The following RBFOX1 variants were observed in gnomAD, a reference collection of about 807,000 sequenced individuals.
RBFOX1 encodes RNA binding protein fox-1 homolog 1.
In RBFOX1, 8 loss-of-function variants were observed where a neutral mutation model predicts 57.7. That is an observed-to-expected ratio of 0.14 (90% confidence interval 0.08 to 0.25). The LOEUF (loss-of-function observed/expected upper bound fraction) is 0.25. RBFOX1 is among the 10% of genes least tolerant of loss of function. The pLI, the probability that RBFOX1 is intolerant of heterozygous loss-of-function variation, is 1.00. For missense variants in RBFOX1, 611 were observed against 548.5 expected, an observed-to-expected ratio of 1.11 and a Z score of -1.14; for synonymous variants, 326 against 222.4, an observed-to-expected ratio of 1.47 and a Z score of -4.15.
chr16:7,463,946 C>G (rs1028828426), intron 4 of RBFOX1, among the ~76,000 whole-genome samples: 1 of 152,124 alleles, frequency 6.6e-6, no homozygotes, highest in Non-Finnish European at 1.5e-5. Flanking sequence ...AAAGCCAAGA[C>G]ATTGAATGCT....
intron 3 of RBFOX1, among the ~76,000 whole-genome samples, chr16:6,961,504 G>C (rs1244803023): frequency 1.3e-5 from 2 of 152,244 alleles, no homozygotes; most frequent in Non-Finnish European, 2.9e-5. Context: ...GCAGAAGAAA[G>C]AATCAGAGCG....
At chr16:5,383,528 A>T in intron 1 of RBFOX1, among the ~76,000 whole-genome samples, 1 of 152,256 alleles carries the variant, frequency 6.6e-6, no homozygotes, top group East Asian at 1.9e-4. Context: ...GACATAGAAT[A>T]TTCAGAGGAA....
intron 9 of RBFOX1, among the ~76,000 whole-genome samples, chr16:7,599,450 C>G (rs1321354270): frequency 9.7e-6 from 1 of 102,814 alleles, no homozygotes; most frequent in African/African-American, 2.5e-5. Context: ...AAAACTAGAC[C>G]TGTAGGATTT....
At chr16:7,661,173 G>A (rs1568336379) in intron 12 of RBFOX1, among the ~76,000 whole-genome samples, 1 of 152,180 alleles carries the variant, frequency 6.6e-6, no homozygotes, top group Non-Finnish European at 1.5e-5. Context: ...TGCCGGTGAG[G>A]ATGGCTACAT....
intron 2 of RBFOX1, among the ~76,000 whole-genome samples, chr16:6,587,499 C>G (rs1331125178): frequency 1.3e-5 from 2 of 152,100 alleles, no homozygotes; most frequent in Admixed American, 6.5e-5. Flanking sequence ...CCAGGGTGGT[C>G]TTGAACTCCT....
chr16:5,844,718 T>G (rs951473242), intron 3 of RBFOX1, among the ~76,000 whole-genome samples: 1 of 152,242 alleles, frequency 6.6e-6, no homozygotes, highest in Non-Finnish European at 1.5e-5. Context: ...TTAGTCATTA[T>G]TAAACATTTT....
chr16:6,923,000 T>C (rs1027008335), intron 3 of RBFOX1, among the ~76,000 whole-genome samples: 1 of 152,204 alleles, frequency 6.6e-6, no homozygotes, highest in African/African-American at 2.4e-5. Context: ...AAACTACTTA[T>C]AAATCTATAG....
chr16:6,926,406 C>G (rs962226035), intron 3 of RBFOX1, among the ~76,000 whole-genome samples: 2 of 152,318 alleles, frequency 1.3e-5, no homozygotes, highest in South Asian at 4.1e-4. Context: ...CTGGGATCCT[C>G]ACCACACAGC....
chr16:6,804,516 A>C (rs1199980063), intron 3 of RBFOX1, among the ~76,000 whole-genome samples: 2 of 152,190 alleles, frequency 1.3e-5, no homozygotes. Context: ...AATAATCTTC[A>C]TCCTACAAAT....
chr16:5,776,881 A>T (rs1290122669), intron 3 of RBFOX1, among the ~76,000 whole-genome samples: 1 of 152,242 alleles, frequency 6.6e-6, no homozygotes, highest in Non-Finnish European at 1.5e-5. Flanking sequence ...CACGGTGGCC[A>T]TTTGCCATGG....
chr16:7,440,893 G>C (rs781252616), intron 4 of RBFOX1, among the ~76,000 whole-genome samples: 56 of 152,232 alleles, frequency 3.7e-4, no homozygotes, highest in Non-Finnish European at 7.2e-4. Context: ...AGCTCAATTA[G>C]CCTGGCATGG....
chr16:7,194,043 G>A (rs763785703), intron 4 of RBFOX1, among the ~76,000 whole-genome samples: 44 of 151,936 alleles, frequency 2.9e-4, no homozygotes, highest in Non-Finnish European at 6.0e-4. Flanking sequence ...TATACATGAT[G>A]CTATTAAATA....
At chr16:6,059,866 G>A (rs1269445782) in intron 1 of RBFOX1, among the ~76,000 whole-genome samples, 4 of 152,104 alleles carry the variant, frequency 2.6e-5, no homozygotes, top group African/African-American at 9.7e-5. Context: ...AATGTATCCT[G>A]AGACCCATAA....
At chr16:7,235,479 G>A (rs1424343847) in intron 4 of RBFOX1, among the ~76,000 whole-genome samples, 2 of 152,180 alleles carry the variant, frequency 1.3e-5, no homozygotes, top group Non-Finnish European at 2.9e-5. Flanking sequence ...TGTAAACATC[G>A]TAAACAAGGA....
intron 4 of RBFOX1, among the ~76,000 whole-genome samples, chr16:7,294,283 C>G (rs1482315590): frequency 6.6e-6 from 1 of 152,092 alleles, no homozygotes; most frequent in Admixed American, 6.6e-5. Flanking sequence ...GAAACAGACT[C>G]CCACCCTCTC....
chr16:7,093,204 T>C (rs1262820476), intron 4 of RBFOX1, among the ~76,000 whole-genome samples: 1 of 152,234 alleles, frequency 6.6e-6, no homozygotes, highest in Admixed American at 6.5e-5. Context: ...GGTCACCGTG[T>C]ATCTCAGTTA....
intron 3 of RBFOX1, among the ~76,000 whole-genome samples, chr16:5,663,748 G>C (rs148531576): frequency 6.6e-6 from 1 of 152,322 alleles, no homozygotes; most frequent in East Asian, 1.9e-4. Context: ...AGGAAAGCTG[G>C]AGACCACACC....
intron 1 of RBFOX1, among the ~76,000 whole-genome samples, chr16:5,421,088 C>G (rs1197410002): frequency 1.3e-5 from 2 of 151,930 alleles, no homozygotes; most frequent in Admixed American, 1.3e-4. Context: ...CTCACTGCAG[C>G]GTCCGCCTCC....
chr16:5,242,205 A>C (rs2062185458), intron 1 of RBFOX1, among the ~76,000 whole-genome samples: 1 of 152,192 alleles, frequency 6.6e-6, no homozygotes, highest in African/African-American at 2.4e-5. Flanking sequence ...TAAAAGGATG[A>C]TATATTGATA....
Sources: gnomAD v4.1 joint callset for allele counts (sites outside exome capture counted in the v4.1 genomes callset) on GRCh38, gnomAD v4.1.1 for gene constraint, MANE v1.5 for transcripts, NCBI Gene and HGNC (gene_info 2026-07-23, HGNC 2026-07-21) for gene names.